The following NLRC5 variants were observed in gnomAD, a reference collection of about 807,000 sequenced individuals.
NLRC5 encodes the protein NLR family CARD domain containing 5.
Under a neutral mutation model 206.9 loss-of-function variants are expected in NLRC5, and 114 were observed. The observed-to-expected ratio is 0.55, with a 90% CI of 0.47 to 0.64. NLRC5 has a LOEUF of 0.64. Ranked by LOEUF, NLRC5 falls within the 30% of genes least tolerant of loss-of-function variation. The pLI is 0.00. For missense variants in NLRC5, 2,008 were observed against 2,305.5 expected, an observed-to-expected ratio of 0.87 and a Z score of 2.64; for synonymous variants, 952 against 962.8, an observed-to-expected ratio of 0.99 and a Z score of 0.21.
At chr16:57,007,737 A>T (rs893527413) in intron 1 of NLRC5, among the ~76,000 whole-genome samples, 20 of 152,248 alleles carry the variant, frequency 1.3e-4, no homozygotes, top group South Asian at 4.1e-4. Context: ...TCAAAAAAAA[A>T]TTTTTAAATG....
At chr16:57,045,561 C>A in intron 21 of NLRC5, 69 bp downstream of exon 21, 1 of 1,483,608 alleles carries the variant, frequency 6.7e-7, no homozygotes, top group Non-Finnish European at 9.4e-7. Flanking sequence ...GAGGTCCCCC[C>A]ACCCCCAGAC....
At chr16:57,077,507 C>A (rs1035712383) in intron 41 of NLRC5, 128 bp downstream of exon 41, 3 of 976,834 alleles carry the variant, frequency 3.1e-6, no homozygotes, top group African/African-American at 1.6e-5. Context: ...GGCAGTGGGG[C>A]TCGGTGACCT....
chr16:57,042,580 T>C lies in NLRC5; in HGVS notation c.3113+515T>C, dbSNP rs114318335. Among the ~76,000 whole-genome samples the C allele has an allele frequency of 6.8e-3, 1,037 of 152,262 alleles. 14 individuals carry two copies. The highest frequency in any genetic ancestry group is 0.018 in the African/African-American group (740 of 41,544). On this transcript the variant is annotated intron_variant, in intron 19 of 48. Transcript: ENST00000688547. ...TGGACCAGAGTTCTTGATCCCTAAATGCCCTTGGTGCTTTTGGCTCACAAA... is the reference window on the plus strand; with the variant it reads ...TGGACCAGAGTTCTTGATCCCTAAACGCCCTTGGTGCTTTTGGCTCACAAA...
chr16:57,077,671 C>A, intron 41 of NLRC5, 48 bp from the exon 42 acceptor site: 1 of 1,516,102 alleles, frequency 6.6e-7, no homozygotes, highest in South Asian at 1.3e-5. Flanking sequence ...GCTGGGGTGT[C>A]GGGGAGAGGG....
chr16:57,039,876 A>G, intron 16 of NLRC5, 27 bp downstream of exon 16: 1 of 1,591,920 alleles, frequency 6.3e-7, no homozygotes, highest in Non-Finnish European at 8.6e-7. Flanking sequence ...CCCCAACTCC[A>G]TGCTCAGTCA....
chr16:57,050,536 GA>G (rs1376825120), intron 23 of NLRC5, among the ~76,000 whole-genome samples: 1 of 147,258 alleles, frequency 6.8e-6, no homozygotes, highest in Middle Eastern at 3.4e-3. Context: ...GGCAGAAGGA[GA>G]ACATAGTAGA....
intron 2 of NLRC5, among the ~76,000 whole-genome samples, chr16:57,017,568 C>G (rs1350032654): frequency 1.3e-5 from 2 of 152,210 alleles, no homozygotes; most frequent in African/African-American, 4.8e-5. Context: ...TGCTTCCTGT[C>G]TCGTGTGGAT....
intron 6 of NLRC5, among the ~76,000 whole-genome samples, chr16:57,027,752 A>G (rs2061400711): frequency 6.6e-6 from 1 of 152,188 alleles, no homozygotes; most frequent in Non-Finnish European, 1.5e-5. Flanking sequence ...GAACATGTCA[A>G]TGCATTAAAG....
chr16:57,029,699 C>T (rs2061594783), intron 8 of NLRC5, 74 bp from the exon 9 acceptor site: 2 of 1,272,802 alleles, frequency 1.6e-6, no homozygotes, highest in Non-Finnish European at 2.3e-6. Flanking sequence ...GGTGGCCATC[C>T]TGTCACTTGC....
At chr16:57,080,610 G>A (rs2069013516) in intron 46 of NLRC5, among the ~76,000 whole-genome samples, 1 of 149,316 alleles carries the variant, frequency 6.7e-6, no homozygotes, top group Non-Finnish European at 1.5e-5. Flanking sequence ...TCAGCCTCCT[G>A]AGTAGCTGGG....
chr16:56,999,163 G>A (rs777444627), intron 1 of NLRC5, among the ~76,000 whole-genome samples: 14 of 152,216 alleles, frequency 9.2e-5, no homozygotes, highest in Non-Finnish European at 1.5e-4. Context: ...ATTCACTACG[G>A]CTCCTCCCTC....
intron 10 of NLRC5, 34 bp downstream of exon 10, chr16:57,030,118 G>A (rs1231874380): frequency 1.3e-6 from 2 of 1,570,254 alleles, no homozygotes; most frequent in South Asian, 1.1e-5. Flanking sequence ...GGCCTTATGG[G>A]CCTTGAGAAA....
At chr16:56,998,835 G>C (rs192349806) in intron 1 of NLRC5, among the ~76,000 whole-genome samples, 1 of 152,186 alleles carries the variant, frequency 6.6e-6, no homozygotes, top group Non-Finnish European at 1.5e-5. Context: ...ATCCCACAGC[G>C]TGGTTACACC....
chr16:57,027,128 C>A, intron 6 of NLRC5, 110 bp downstream of exon 6: 2 of 1,311,180 alleles, frequency 1.5e-6, no homozygotes, highest in Non-Finnish European at 2.1e-6. Context: ...TCTTGAATAT[C>A]AGAACATAAT....
chr16:57,058,063 A>T lies in NLRC5; in HGVS notation c.3747-2A>T. ...CCCGCCACTGCTCCTTACCCCCTAC[A>T]GTCTCTCAGCAAACCTGCTGGGCGA... On this transcript the variant is annotated splice_acceptor_variant, in intron 27 of 48. Transcript: ENST00000688547. LOFTEE classifies it high-confidence loss of function. The T allele has an allele frequency of 6.2e-7, 1 of 1,611,516 alleles. No homozygotes were observed. Among genetic ancestry groups the T allele is most frequent in the Non-Finnish European group, 8.5e-7 (1 of 1,178,818 alleles).
chr16:57,032,237 C>T (rs1260251275), intron 11 of NLRC5, among the ~76,000 whole-genome samples: 1 of 151,734 alleles, frequency 6.6e-6, no homozygotes, highest in African/African-American at 2.4e-5. Context: ...AGCAAGACCC[C>T]ATCTCTAAAA....
chr16:56,999,943 C>T (rs1222538291), intron 1 of NLRC5, among the ~76,000 whole-genome samples: 16 of 152,332 alleles, frequency 1.1e-4, no homozygotes, highest in East Asian at 3.9e-4. Flanking sequence ...GGGAACCCCC[C>T]GGGAGCTTCC....
Position 57,026,612 on chromosome 16 carries a change from C to T in NLRC5, c.1669C>T (p.Leu557Phe). 6.2e-7 allele frequency: 1 copy of T among 1,614,226 alleles called. No homozygotes were observed. Among genetic ancestry groups the T allele is most frequent in the Non-Finnish European group, 8.5e-7 (1 of 1,180,046 alleles). ...ACAGCGGACCAAAGCTAGACTGGGC[C>T]TCTCAGACCACCTCCCCACCTTCCT... ...WVQRTKARLG[L>F]SDHLPTFLAG... Residue 557 changes from leucine (L) to phenylalanine (F), a missense_variant, in exon 6 of 49, where the codon CTC becomes TTC. Physicochemically the swap from Leu to Phe is conservative, Grantham distance 22. Coordinates refer to ENST00000688547, the MANE Select transcript of NLRC5 (RefSeq NM_001384950.1).
intron 11 of NLRC5, among the ~76,000 whole-genome samples, chr16:57,032,914 C>A (rs960468598): frequency 5.9e-5 from 9 of 151,804 alleles, no homozygotes; most frequent in African/African-American, 2.2e-4. Flanking sequence ...GGGAGGATCA[C>A]TTGAGCCCAG....
Sources: gnomAD v4.1 joint callset for allele counts (sites outside exome capture counted in the v4.1 genomes callset) on GRCh38, gnomAD v4.1.1 for gene constraint, MANE v1.5 for transcripts, NCBI Gene and HGNC (gene_info 2026-07-23, HGNC 2026-07-21) for gene names.